Variants in NRXN3 observed in about 807,000 individuals in gnomAD.
NRXN3 encodes the protein neurexin III.
Under a neutral mutation model 137.6 loss-of-function variants are expected in NRXN3, and 32 were observed. The ratio of observed to expected loss-of-function variants is 0.23; its 90% CI spans 0.18 to 0.31. NRXN3 has a LOEUF of 0.31. Ranked by LOEUF, NRXN3 falls within the 10% of genes least tolerant of loss-of-function variation. The pLI is 1.00. For synonymous variants in NRXN3, 798 were observed against 784.5 expected, an observed-to-expected ratio of 1.02 and a Z score of -0.29; for missense variants, 1,574 against 2,062.5, an observed-to-expected ratio of 0.76 and a Z score of 4.59.
In NRXN3 at chr14:79,524,279, G is replaced by A. The variant is rs17109351; in HGVS notation, c.3444+56877G>A. Among the ~76,000 whole-genome samples the A allele has an allele frequency of 9.7e-3, 1,476 of 152,294 alleles. 62 individuals are homozygous for A. In the East Asian group the frequency reaches 0.13, roughly 13 times the overall value. ...TTCTTCTAAATTTCTAAGACAACCAGTGAAGCTTGAGGCCTTTTCTCCAGA... is the reference window on the plus strand; with the variant it reads ...TTCTTCTAAATTTCTAAGACAACCAATGAAGCTTGAGGCCTTTTCTCCAGA... On this transcript the variant is annotated intron_variant, in intron 16 of 20. Transcript: ENST00000335750.
Position 79,058,250 on chromosome 14 carries a change from G to C in NRXN3, c.3262+70109G>C, listed in dbSNP as rs74975188. Among the ~76,000 whole-genome samples, 730 of 152,230 alleles carry C rather than the reference G, an allele frequency of 4.8e-3. 6 individuals are homozygous for C. The highest frequency in any genetic ancestry group is 0.016 in the African/African-American group (685 of 41,550). On this transcript the variant is annotated intron_variant, in intron 15 of 20. Transcript: ENST00000335750. ...GGAAACCATTAAGCAGCAATGATCAGTACAGTTGTGAGCATTTCTCCAACA... is the reference window on the plus strand; with the variant it reads ...GGAAACCATTAAGCAGCAATGATCACTACAGTTGTGAGCATTTCTCCAACA...
intron 16 of NRXN3, among the ~76,000 whole-genome samples, chr14:79,605,756 C>T (rs1315362333): frequency 6.6e-6 from 1 of 152,144 alleles, no homozygotes; most frequent in African/African-American, 2.4e-5. Flanking sequence ...TCCCAAAGTG[C>T]TGGGATTATA....
intron 15 of NRXN3, among the ~76,000 whole-genome samples, chr14:79,293,961 C>T (rs935659259): frequency 2.0e-5 from 3 of 152,196 alleles, no homozygotes; most frequent in Admixed American, 6.5e-5. Context: ...TTAGATCCCG[C>T]GCTTGCTTTC....
At chr14:78,362,252 T>C (rs1227523412) in intron 4 of NRXN3, among the ~76,000 whole-genome samples, 1 of 139,592 alleles carries the variant, frequency 7.2e-6, no homozygotes, top group African/African-American at 2.7e-5. Context: ...AAGAAGAAAC[T>C]ATAGTTTCTG....
chr14:79,358,645 GA>G (rs1555397595), intron 15 of NRXN3, among the ~76,000 whole-genome samples: 1 of 150,730 alleles, frequency 6.6e-6, no homozygotes, highest in African/African-American at 2.4e-5. Flanking sequence ...AAGAAAGAAA[GA>G]AAGAAAGAAA....
intron 4 of NRXN3, among the ~76,000 whole-genome samples, chr14:78,482,002 T>C (rs1011764876): frequency 8.5e-5 from 13 of 152,222 alleles, no homozygotes; most frequent in African/African-American, 3.1e-4. Flanking sequence ...GGATTCCTTA[T>C]ATCAAGGAGT....
chr14:78,987,968 C>A, intron 14 of NRXN3, 54 bp from the exon 15 acceptor site: 1 of 1,561,730 alleles, frequency 6.4e-7, no homozygotes, highest in Non-Finnish European at 8.7e-7. Context: ...TAATTTTTAA[C>A]ATTTCTTCTC....
At chr14:78,227,186 G>A (rs2064786893) in intron 1 of NRXN3, among the ~76,000 whole-genome samples, 1 of 152,006 alleles carries the variant, frequency 6.6e-6, no homozygotes, top group African/African-American at 2.4e-5. Context: ...ACATATCCCA[G>A]AAGCAGTGGT....
At chr14:79,780,113 A>G (rs2099109227) in intron 19 of NRXN3, among the ~76,000 whole-genome samples, 1 of 152,150 alleles carries the variant, frequency 6.6e-6, no homozygotes, top group Non-Finnish European at 1.5e-5. Flanking sequence ...ACTTATAAAG[A>G]ACAAAAATAT....
At chr14:78,343,417 C>T (rs938390726) in intron 4 of NRXN3, among the ~76,000 whole-genome samples, 2 of 152,320 alleles carry the variant, frequency 1.3e-5, no homozygotes, top group African/African-American at 2.4e-5. Flanking sequence ...GTTCTACCTT[C>T]CTACTGATGT....
intron 15 of NRXN3, among the ~76,000 whole-genome samples, chr14:79,215,829 A>G (rs2068413442): frequency 6.6e-6 from 1 of 152,206 alleles, no homozygotes; most frequent in African/African-American, 2.4e-5. Context: ...TATTTTGTAA[A>G]GTTGGAAAGT....
chr14:79,827,538 T>G (rs1359660867), intron 20 of NRXN3, among the ~76,000 whole-genome samples: 1 of 152,064 alleles, frequency 6.6e-6, no homozygotes, highest in Non-Finnish European at 1.5e-5. Flanking sequence ...AGAAAAGACG[T>G]TTAATTCGCT....
intron 19 of NRXN3, among the ~76,000 whole-genome samples, chr14:79,707,501 T>A (rs1387356272): frequency 7.7e-6 from 1 of 130,474 alleles, no homozygotes; most frequent in African/African-American, 2.8e-5. Flanking sequence ...AGCTATGTTT[T>A]TTTATTATCT....
At chr14:78,307,155 C>G (rs75618254) in intron 4 of NRXN3, among the ~76,000 whole-genome samples, 7,099 of 150,962 alleles carry the variant, frequency 0.047, 499 homozygotes, top group African/African-American at 0.16. Flanking sequence ...ATGGCATACA[C>G]AGTGCAAAGT....
chr14:78,742,722 G>A (rs1197398322), intron 8 of NRXN3, among the ~76,000 whole-genome samples: 1 of 152,108 alleles, frequency 6.6e-6, no homozygotes, highest in Non-Finnish European at 1.5e-5. Context: ...TTTTAACTAT[G>A]TAATACTATT....
At chr14:79,752,817 C>G (rs1195490106) in intron 19 of NRXN3, among the ~76,000 whole-genome samples, 4 of 152,132 alleles carry the variant, frequency 2.6e-5, no homozygotes, top group Admixed American at 2.6e-4. Flanking sequence ...ACAACCTACT[C>G]ATCTGACAAA....
chr14:79,388,293 A>G (rs1340910475), intron 15 of NRXN3, among the ~76,000 whole-genome samples: 1 of 151,968 alleles, frequency 6.6e-6, no homozygotes, highest in Non-Finnish European at 1.5e-5. Context: ...AACCAACTAC[A>G]CATCTTTAAA....
At chr14:78,912,663 C>T (rs1199674799) in intron 10 of NRXN3, among the ~76,000 whole-genome samples, 1 of 152,124 alleles carries the variant, frequency 6.6e-6, no homozygotes, top group African/African-American at 2.4e-5. Flanking sequence ...ATTCTTCTTA[C>T]ATCCTCCATA....
intron 10 of NRXN3, among the ~76,000 whole-genome samples, chr14:78,906,627 T>C (rs957385211): frequency 3.3e-5 from 5 of 152,104 alleles, no homozygotes; most frequent in Non-Finnish European, 5.9e-5. Context: ...TCTCCAGTTA[T>C]CTTTTTTTCC....
Sources: gnomAD v4.1 joint callset for allele counts (sites outside exome capture counted in the v4.1 genomes callset) on GRCh38, gnomAD v4.1.1 for gene constraint, MANE v1.5 for transcripts, NCBI Gene and HGNC (gene_info 2026-07-23, HGNC 2026-07-21) for gene names.